Variants in PPTC7 observed in about 807,000 individuals in gnomAD.
PPTC7 encodes protein phosphatase targeting COQ7, also known as protein phosphatase PTC7 homolog.
In PPTC7, 6 loss-of-function variants were observed where a neutral mutation model predicts 30.8. The observed-to-expected ratio is 0.19, with a 90% CI of 0.11 to 0.38. The LOEUF (loss-of-function observed/expected upper bound fraction) is 0.38, where lower values mean the gene tolerates loss of function less well. PPTC7 is among the 10% of genes least tolerant of loss of function. The pLI, the probability that PPTC7 is intolerant of heterozygous loss-of-function variation, is 1.00. For missense variants in PPTC7, 218 were observed against 404.8 expected, an observed-to-expected ratio of 0.54 and a Z score of 3.96; for synonymous variants, 163 against 168.1, an observed-to-expected ratio of 0.97 and a Z score of 0.23.
At chr12:110,571,507 G>GA (rs574197926) in intron 1 of PPTC7, among the ~76,000 whole-genome samples, 74 of 152,164 alleles carry the variant, frequency 4.9e-4, no homozygotes, top group African/African-American at 1.7e-3. Context: ...ACAACACAAG[G>GA]AAAAAATCCC....
intron 3 of PPTC7, among the ~76,000 whole-genome samples, chr12:110,543,839 A>T (rs181473781): frequency 6.6e-6 from 1 of 152,212 alleles, no homozygotes; most frequent in African/African-American, 2.4e-5. Flanking sequence ...AGGGGAAGCC[A>T]CCTCCACCTC....
At chr12:110,572,873 A>T (rs1453884743) in intron 1 of PPTC7, among the ~76,000 whole-genome samples, 1 of 128,190 alleles carries the variant, frequency 7.8e-6, no homozygotes, top group African/African-American at 2.9e-5. Flanking sequence ...TTAAGTTTTT[A>T]TTTATTTATT....
At chr12:110,580,448 C>A (rs1290621090) in intron 1 of PPTC7, among the ~76,000 whole-genome samples, 1 of 152,076 alleles carries the variant, frequency 6.6e-6, no homozygotes, top group East Asian at 1.9e-4. Flanking sequence ...AAGCAATTCT[C>A]CTGCCTCAGC....
intron 5 of PPTC7, among the ~76,000 whole-genome samples, 155 bp from the exon 6 acceptor site, chr12:110,537,250 TAA>T (rs920594615): frequency 6.7e-6 from 1 of 150,364 alleles, no homozygotes; most frequent in Non-Finnish European, 1.5e-5. Context: ...AATATTTGAT[TAA>T]AAAAAAACAG....
chr12:110,567,390 C>G (rs1419225690), intron 1 of PPTC7, among the ~76,000 whole-genome samples: 17 of 152,244 alleles, frequency 1.1e-4, no homozygotes, highest in Admixed American at 1.1e-3. Flanking sequence ...TAAAATGCCT[C>G]TTGTACCAAG....
intron 3 of PPTC7, among the ~76,000 whole-genome samples, chr12:110,541,446 G>A (rs1163163479): frequency 6.6e-6 from 1 of 151,798 alleles, no homozygotes; most frequent in Non-Finnish European, 1.5e-5. Context: ...AGTGGCTCAC[G>A]CTTGTAATCC....
At chr12:110,562,947 C>T (rs1352894027) in intron 1 of PPTC7, among the ~76,000 whole-genome samples, 4 of 150,982 alleles carry the variant, frequency 2.6e-5, no homozygotes, top group Admixed American at 2.6e-4. Context: ...CATGGCAAAA[C>T]CCTGTCTCTA....
chr12:110,548,038 C>T (rs1220797732), intron 2 of PPTC7, among the ~76,000 whole-genome samples: 3 of 150,564 alleles, frequency 2.0e-5, no homozygotes, highest in Non-Finnish European at 4.4e-5. Flanking sequence ...ACCCGGGGGG[C>T]AGAGGTTTCA....
At chr12:110,538,450 C>G (rs1164669324) in intron 4 of PPTC7, among the ~76,000 whole-genome samples, 177 bp from the exon 5 acceptor site, 1 of 152,186 alleles carries the variant, frequency 6.6e-6, no homozygotes, top group Non-Finnish European at 1.5e-5. Context: ...ATCAGAAAGT[C>G]CTTTGCTTTG....
intron 4 of PPTC7, 81 bp downstream of exon 4, chr12:110,539,741 G>T: frequency 3.1e-6 from 4 of 1,287,730 alleles, no homozygotes; most frequent in Non-Finnish European, 4.3e-6. Flanking sequence ...AAACTACAAA[G>T]AGATAATGCA....
In PPTC7 at chr12:110,536,779, C is replaced by A; in HGVS notation, c.*258G>T. The A allele has an allele frequency of 2.2e-6, 1 of 460,664 alleles. No individual in the cohort carries two copies. The allele number at this position is 460,664 out of a possible 1,614,324, so 28.5% of individuals were successfully genotyped here. On this transcript the variant is annotated 3_prime_UTR_variant, in exon 6 of 6. Coordinates refer to ENST00000354300, the MANE Select transcript of PPTC7 (RefSeq NM_139283.2). ...TGGCACTGAACACCTCCATCCCCATCATGGAAAGAACATCGAGAAATGAAG... is the reference window on the plus strand; with the variant it reads ...TGGCACTGAACACCTCCATCCCCATAATGGAAAGAACATCGAGAAATGAAG...
intron 1 of PPTC7, among the ~76,000 whole-genome samples, chr12:110,564,540 C>T (rs1169505647): frequency 1.3e-5 from 2 of 152,018 alleles, no homozygotes; most frequent in African/African-American, 2.4e-5. Context: ...TTGACCTAAC[C>T]CCAAAGAAGA....
intron 1 of PPTC7, among the ~76,000 whole-genome samples, chr12:110,564,515 A>C (rs1297078892): frequency 2.0e-5 from 3 of 152,142 alleles, no homozygotes; most frequent in South Asian, 4.1e-4. Flanking sequence ...GATATTTATG[A>C]CAAGCCATAT....
At chr12:110,551,189 A>G (rs1435997885) in intron 2 of PPTC7, among the ~76,000 whole-genome samples, 1 of 152,158 alleles carries the variant, frequency 6.6e-6, no homozygotes, top group Admixed American at 6.5e-5. Context: ...TGGTTCACGT[A>G]TTGTGCAAGA....
chr12:110,556,367 A>G (rs1049851404), intron 1 of PPTC7, among the ~76,000 whole-genome samples: 6 of 152,250 alleles, frequency 3.9e-5, no homozygotes, highest in Admixed American at 2.6e-4. Flanking sequence ...TAAGGGGAAG[A>G]GTTGTATTTG....
At chr12:110,576,566 G>A (rs2064590738) in intron 1 of PPTC7, among the ~76,000 whole-genome samples, 1 of 152,214 alleles carries the variant, frequency 6.6e-6, no homozygotes, top group Non-Finnish European at 1.5e-5. Context: ...ACTGACACAT[G>A]CTCCAACATG....
At chr12:110,557,690 T>C (rs2064401659) in intron 1 of PPTC7, among the ~76,000 whole-genome samples, 2 of 152,236 alleles carry the variant, frequency 1.3e-5, no homozygotes, top group African/African-American at 4.8e-5. Context: ...CTGTCTGTAT[T>C]ATTGTTAGGT....
chr12:110,542,690 A>G (rs565371544), intron 3 of PPTC7, among the ~76,000 whole-genome samples: 66 of 150,924 alleles, frequency 4.4e-4, no homozygotes, highest in Non-Finnish European at 8.1e-4. Flanking sequence ...AAAAAAAAAA[A>G]AAAAAAAAAG....
At position 110,557,878 on chromosome 12, in the gene PPTC7, G is replaced by A. The variant is rs191651266; in HGVS notation, c.224-5910C>T. ...CATCCTTCTTCACATGGCAGCAGGA[G>A]AGAGAAGTGCTGAGCAAAGGGGGAA... On this transcript the variant is annotated intron_variant, in intron 1 of 5. Transcript: ENST00000354300. Among the ~76,000 whole-genome samples the A allele has an allele frequency of 6.8e-3, 1,041 of 152,326 alleles. 1 individual carries two copies. The highest frequency in any genetic ancestry group is 9.4e-3 in the Non-Finnish European group (637 of 68,024).
Sources: gnomAD v4.1 joint callset for allele counts (sites outside exome capture counted in the v4.1 genomes callset) on GRCh38, gnomAD v4.1.1 for gene constraint, MANE v1.5 for transcripts, NCBI Gene and HGNC (gene_info 2026-07-23, HGNC 2026-07-21) for gene names.